The following FRMD7 variants were observed in gnomAD, a reference collection of about 807,000 sequenced individuals.
The protein encoded by FRMD7 is FERM domain containing 7.
Under a neutral mutation model 44.1 loss-of-function variants are expected in FRMD7, and 14 were observed. The observed-to-expected ratio is 0.32, with a 90% CI of 0.21 to 0.50. The LOEUF (loss-of-function observed/expected upper bound fraction) is 0.50, where lower values mean the gene tolerates loss of function less well. Among genes scored for constraint, FRMD7 ranks in the 20% least tolerant of loss-of-function variants. The probability of loss-of-function intolerance (pLI) is 0.99; values close to 1 mark genes in which losing one functional copy is unlikely to be tolerated. For synonymous variants in FRMD7, 212 were observed against 187.4 expected (o/e 1.13, Z -1.07); for missense variants, 501 against 522.3 (o/e 0.96, Z 0.40).
intron 1 of FRMD7, among the ~76,000 whole-genome samples, chrX:132,126,630 A>G (rs1929163375): frequency 8.9e-6 from 1 of 112,185 alleles, no homozygotes; most frequent in African/African-American, 3.2e-5. Flanking sequence ...TAATTCAGGT[A>G]CTGCAGCACT....
Position 132,099,449 on chromosome X carries a change from A to C in FRMD7, c.205+19T>G. ...CTCTAACTGTGAACTCTCTTCCTTAAATGATTTTCCATACTTACTTTTTAC... is the reference window on the plus strand; with the variant it reads ...CTCTAACTGTGAACTCTCTTCCTTACATGATTTTCCATACTTACTTTTTAC... On this transcript the variant is annotated intron_variant, in intron 3 of 11. Transcript: ENST00000298542. 1 of 1,179,050 alleles carries C rather than the reference A, an allele frequency of 8.5e-7. No individual in the cohort carries two copies. Among genetic ancestry groups the C allele is most frequent in the Non-Finnish European group, 1.2e-6 (1 of 868,485 alleles).
chrX:132,095,346 T>A (rs902740998), intron 4 of FRMD7, among the ~76,000 whole-genome samples: 40 of 110,863 alleles, frequency 3.6e-4, no homozygotes, highest in African/African-American at 1.1e-3. Flanking sequence ...TGCCCCACCT[T>A]GGCCTCTCAA....
At chrX:132,100,067 T>C (rs901577627) in intron 2 of FRMD7, among the ~76,000 whole-genome samples, 1 of 112,259 alleles carries the variant, frequency 8.9e-6, no homozygotes, top group Non-Finnish European at 1.9e-5. Context: ...TGATAAAGCA[T>C]GCATAGCTGC....
intron 1 of FRMD7, among the ~76,000 whole-genome samples, chrX:132,114,509 C>T (rs761867680): frequency 1.8e-5 from 2 of 111,259 alleles, no homozygotes; most frequent in African/African-American, 3.3e-5. Flanking sequence ...ATTTGTTTAC[C>T]GAATTTTCTC....
At chrX:132,081,596 A>G (rs1053583576) in intron 9 of FRMD7, among the ~76,000 whole-genome samples, 1 of 112,398 alleles carries the variant, frequency 8.9e-6, no homozygotes, top group African/African-American at 3.2e-5. Context: ...GAAAGATTCA[A>G]TCAGAAATAT....
chrX:132,101,106 G>GA (rs1324974223), intron 1 of FRMD7, among the ~76,000 whole-genome samples: 1 of 110,475 alleles, frequency 9.1e-6, no homozygotes, highest in Non-Finnish European at 1.9e-5. Flanking sequence ...TCCCCTGCTT[G>GA]AAATCCTTCA....
At chrX:132,119,994 T>C (rs1928994851) in intron 1 of FRMD7, among the ~76,000 whole-genome samples, 1 of 111,311 alleles carries the variant, frequency 9.0e-6, no homozygotes, top group Non-Finnish European at 1.9e-5. Context: ...TAGGCACTGC[T>C]CCCTGCTGCT....
Position 132,099,475 on chromosome X carries a change from C to G in FRMD7, c.198G>C (p.Gln66His), listed in dbSNP as rs1928435579. The G allele has an allele frequency of 4.2e-6, 5 of 1,198,002 alleles. No homozygotes were observed. Among genetic ancestry groups the G allele is most frequent in the Non-Finnish European group, 5.6e-6 (5 of 887,074 alleles). Residue 66 changes from glutamine (Q) to histidine (H), a missense_variant, in exon 3 of 12, where the codon CAG becomes CAC. Physicochemically the swap from Gln to His is conservative, Grantham distance 24 (BLOSUM62 0). Transcript: ENST00000298542. ...ATGATTTTCCATACTTACTTTTTAC[C>G]TGCTTTGTTATGGGCTTCAAAAGCT... ...WLELLKPITK[Q>H]VKNPKEIVFK...
intron 5 of FRMD7, among the ~76,000 whole-genome samples, 173 bp from the exon 6 acceptor site, chrX:132,086,207 T>TGG (rs201093387): frequency 9.2e-6 from 1 of 109,199 alleles, no homozygotes; most frequent in East Asian, 2.9e-4. Flanking sequence ...TGTGTGTGTT[T>TGG]GGGGGGGGCA....
intron 4 of FRMD7, among the ~76,000 whole-genome samples, chrX:132,094,997 G>T (rs751846752): frequency 3.3e-4 from 37 of 111,134 alleles, no homozygotes; most frequent in African/African-American, 1.2e-3. Flanking sequence ...AAAGAAATGT[G>T]CATAATGAAG....
In FRMD7 at chrX:132,125,899, C is replaced by T. The variant is rs868112933; in HGVS notation, c.57+1889G>A. 3.7e-4 allele frequency among the ~76,000 whole-genome samples: 41 copies of T among 111,842 alleles called. 1 individual carries two copies. In the Middle Eastern group the frequency reaches 0.014, roughly 38 times the overall value. On this transcript the variant is annotated intron_variant, in intron 1 of 11. Coordinates refer to ENST00000298542, the MANE Select transcript of FRMD7 (RefSeq NM_194277.3). The stretch of plus-strand genomic sequence containing the variant: ...ATTATATGCTGTGTGATTGTGCACA[C>T]GTCACTTAAGTTCCCTGAGCCTCCA...
At position 132,100,754 on chromosome X, in the gene FRMD7, C is replaced by G. The variant is rs780229818; in HGVS notation, c.58-38G>C. 5 of 956,603 alleles carry G rather than the reference C, an allele frequency of 5.2e-6. No individual in the cohort carries two copies. The South Asian group carries it at 7.7e-5, about 15-fold the overall frequency. The allele number at this position is 956,603 out of a possible 1,213,427, so 78.8% of individuals were successfully genotyped here. On this transcript the variant is annotated intron_variant, in intron 1 of 11. Transcript: ENST00000298542. ...AAAAGATGATAGCACAATTTGCATT[C>G]CTAACCTGATACTGCAGCACGGAAT...
chrX:132,087,861 A>G lies in FRMD7; in HGVS notation c.383-1827T>C, dbSNP rs139449139. 5.9e-3 allele frequency among the ~76,000 whole-genome samples: 662 copies of G among 111,453 alleles called. 5 individuals carry two copies. Among genetic ancestry groups the G allele is most frequent in the African/African-American group, 0.02 (622 of 30,655 alleles). On this transcript the variant is annotated intron_variant, in intron 5 of 11. Transcript: ENST00000298542. ...AAAAGGATTATACACAATGAGTTGA[A>G]TTTATCTCAGGATTGCAAGGTCAGT...
chrX:132,078,283 A>G lies in FRMD7; in HGVS notation c.1734T>C (p.Phe578=). The G allele has an allele frequency of 8.3e-7, 1 of 1,211,562 alleles. No individual in the cohort carries two copies. Among genetic ancestry groups the G allele is most frequent in the Non-Finnish European group, 1.1e-6 (1 of 895,153 alleles). ...GGGTTTGCTCTTGAATGTTACATAC[A>G]AATGCATCTTCCAAATTTGGGTCTT... is the stretch of plus-strand genomic sequence containing the variant. ...EEEDPNLEDA[F]VCNIQEQTPK... The change falls in exon 12 of 12, where the codon TTT becomes TTC. Residue 578 remains phenylalanine (F), a synonymous_variant. Transcript: ENST00000298542.
In FRMD7 at chrX:132,087,394, GT is replaced by G. The variant is rs913084073; in HGVS notation, c.383-1361del. Among the ~76,000 whole-genome samples the G allele has an allele frequency of 6.5e-4, 72 of 110,681 alleles. 1 individual carries two copies. The highest frequency in any genetic ancestry group is 1.3e-3 in the Non-Finnish European group (66 of 52,769). On this transcript the variant is annotated intron_variant, in intron 5 of 11. Transcript: ENST00000298542. ...TACCTATTTTGAGTGCTGGAGGGCT[GT>G]TTTTTTTCTCTTCTTTCTTGGTTTT...
At chrX:132,124,861 G>A (rs912509058) in intron 1 of FRMD7, among the ~76,000 whole-genome samples, 2 of 111,730 alleles carry the variant, frequency 1.8e-5, no homozygotes, top group African/African-American at 3.2e-5. Flanking sequence ...AGAGTCTACT[G>A]TTCCCAGAAC....
chrX:132,096,716 CA>C (rs34250894), intron 4 of FRMD7, among the ~76,000 whole-genome samples: 1,165 of 55,546 alleles, frequency 0.021, 9 homozygotes, highest in East Asian at 0.053. Context: ...GACCCTGTCT[CA>C]AAAAAAAAAA....
At position 132,094,116 on chromosome X, in the gene FRMD7, T is replaced by C. The variant is rs759784671; in HGVS notation, c.308A>G (p.Lys103Arg). Residue 103 changes from lysine (K) to arginine (R), a missense_variant, in exon 5 of 12, where the codon AAG becomes AGG. Coordinates refer to ENST00000298542, the MANE Select transcript of FRMD7 (RefSeq NM_194277.3). ...AAGCCTTCCTAGAGCCAAATCCTTC[T>C]TTATTTGAAGAGTAAAAAGATACCT... The part of the protein sequence containing the change: ...LTRYLFTLQI[K>R]KDLALGRLPC... The C allele has an allele frequency of 1.0e-5, 12 of 1,156,504 alleles. No homozygotes were observed. The highest frequency in any genetic ancestry group is 1.4e-5 in the Non-Finnish European group (12 of 846,076).
chrX:132,094,068 G>C lies in FRMD7; in HGVS notation c.356C>G (p.Ala119Gly), dbSNP rs1281737720. Residue 119 changes from alanine to glycine, a missense_variant, in exon 5 of 12, where the codon GCG becomes GGG. This residue lies in a region of FRMD7 where 453 missense variants were observed against 452.7 expected (regional missense o/e 1.00). Transcript: ENST00000298542. ...TTGTAAGATGTGAGATACCATCAAC[G>C]CTGTACAGTTGTCACTGCATGGAAG... is the stretch of plus-strand genomic sequence containing the variant. The part of the protein sequence containing the change: ...GRLPCSDNCT[A>G]LMVSHILQSE... The C allele has an allele frequency of 8.5e-7, 1 of 1,171,958 alleles. No homozygotes were observed.
Sources: gnomAD v4.1 joint callset for allele counts (sites outside exome capture counted in the v4.1 genomes callset) on GRCh38, gnomAD v4.1.1 for gene constraint, gnomAD v4.1.1 regional missense constraint, MANE v1.5 for transcripts, NCBI Gene and HGNC (gene_info 2026-07-23, HGNC 2026-07-21) for gene names.